Variants in CUL3 observed in about 807,000 individuals in gnomAD.
CUL3 encodes cullin-3.
Under a neutral mutation model 89.1 loss-of-function variants are expected in CUL3, and 19 were observed. That is an observed-to-expected ratio of 0.21 (90% CI 0.15 to 0.31). The LOEUF (loss-of-function observed/expected upper bound fraction) is 0.31. Ranked by LOEUF, CUL3 falls within the 10% of genes least tolerant of loss-of-function variation. The pLI, the probability that CUL3 is intolerant of heterozygous loss-of-function variation, is 1.00. For synonymous variants in CUL3, 351 were observed against 308.4 expected (o/e 1.14, Z -1.45); for missense variants, 469 against 942.3 (o/e 0.50, Z 6.58).
At position 224,475,338 on chromosome 2, in the gene CUL3, C is replaced by A. The variant is rs4673108; in HGVS notation, c.2176-962G>T. Among the ~76,000 whole-genome samples, 1,255 of 152,214 alleles carry A rather than the reference C, an allele frequency of 8.2e-3. 10 individuals are homozygous for A. Among genetic ancestry groups the A allele is most frequent in the African/African-American group, 0.029 (1,197 of 41,522 alleles). On this transcript the variant is annotated intron_variant, in intron 15 of 15. Coordinates refer to ENST00000264414, the MANE Select transcript of CUL3 (RefSeq NM_003590.5). Reference sequence around the variant, plus strand: ...GGCCTATTTAATGTTCTTAACCCTGCAAAATAAGTTGTCTCATTTTACAAA... The same window carrying A: ...GGCCTATTTAATGTTCTTAACCCTGAAAAATAAGTTGTCTCATTTTACAAA...
intron 2 of CUL3, among the ~76,000 whole-genome samples, chr2:224,554,378 T>C (rs6732903): frequency 0.19 from 28,566 of 152,152 alleles, 2,987 homozygotes; most frequent in South Asian, 0.27. Flanking sequence ...TTTAAAGGAT[T>C]CCTAGAATTT....
chr2:224,543,580 A>C (rs1045299956), intron 2 of CUL3, among the ~76,000 whole-genome samples: 17 of 152,170 alleles, frequency 1.1e-4, no homozygotes, highest in African/African-American at 3.9e-4. Flanking sequence ...CGGTTTTTTC[A>C]GATTTTGGAA....
chr2:224,502,671 A>G (rs1013843955), intron 10 of CUL3, among the ~76,000 whole-genome samples: 4 of 152,236 alleles, frequency 2.6e-5, no homozygotes, highest in African/African-American at 7.2e-5. Flanking sequence ...CTCTTTCCAC[A>G]ATTTATAATA....
At chr2:224,507,572 T>C (rs1692647638) in intron 6 of CUL3, among the ~76,000 whole-genome samples, 1 of 152,186 alleles carries the variant, frequency 6.6e-6, no homozygotes, top group East Asian at 1.9e-4. Flanking sequence ...TTTTATGAAA[T>C]GTATAATATA....
Position 224,470,212 on chromosome 2 carries a change from T to C in CUL3, c.*4033A>G, listed in dbSNP as rs1691073032. On this transcript the variant is annotated 3_prime_UTR_variant, in exon 16 of 16. Transcript: ENST00000264414. ...TAAATCTTGTATGCAATAAAGTTTATTAGTTGAACTGTCCTGTTATTAAAA... is the reference window on the plus strand; with the variant it reads ...TAAATCTTGTATGCAATAAAGTTTACTAGTTGAACTGTCCTGTTATTAAAA... 9.6e-6 allele frequency: 2 copies of C among 207,532 alleles called. No homozygotes were observed. Among genetic ancestry groups the C allele is most frequent in the South Asian group, 3.8e-4 (2 of 5,272 alleles). The allele number at this position is 207,532 out of a possible 1,614,324, so 12.9% of individuals were successfully genotyped here.
intron 1 of CUL3, among the ~76,000 whole-genome samples, chr2:224,582,468 T>C (rs1167156878): frequency 2.0e-5 from 3 of 152,228 alleles, no homozygotes; most frequent in Non-Finnish European, 4.4e-5. Flanking sequence ...ACTGTAATAG[T>C]TCTTTCCAAT....
chr2:224,509,509 T>C (rs1446998014), intron 6 of CUL3, among the ~76,000 whole-genome samples: 1 of 152,240 alleles, frequency 6.6e-6, no homozygotes, highest in African/African-American at 2.4e-5. Flanking sequence ...TTTGCCACCC[T>C]GCCTGGACAA....
chr2:224,557,521 TA>T (rs950623037), intron 2 of CUL3, 137 bp downstream of exon 2: 50 of 514,514 alleles, frequency 9.7e-5, no homozygotes, highest in African/African-American at 2.8e-4. Context: ...CATGAGTGCT[TA>T]TTAACAGTCA....
chr2:224,557,626 T>C (rs1439250128), intron 2 of CUL3, 33 bp downstream of exon 2: 3 of 1,432,768 alleles, frequency 2.1e-6, no homozygotes, highest in South Asian at 2.3e-5. Context: ...ACATTCAATA[T>C]AGTATTAGCA....
intron 1 of CUL3, among the ~76,000 whole-genome samples, chr2:224,569,116 C>T (rs1039223952): frequency 2.0e-5 from 3 of 152,100 alleles, no homozygotes; most frequent in Non-Finnish European, 4.4e-5. Flanking sequence ...AGAGAAGTAA[C>T]ATTCTTTTAA....
chr2:224,539,250 C>T (rs1694006387), intron 2 of CUL3, among the ~76,000 whole-genome samples: 1 of 152,146 alleles, frequency 6.6e-6, no homozygotes, highest in Non-Finnish European at 1.5e-5. Context: ...GATTAAAACA[C>T]CAATCTGATA....
At chr2:224,552,301 A>C (rs1366782315) in intron 2 of CUL3, among the ~76,000 whole-genome samples, 1 of 152,108 alleles carries the variant, frequency 6.6e-6, no homozygotes, top group African/African-American at 2.4e-5. Flanking sequence ...CTAAACCAAG[A>C]TTTTTCTTAT....
chr2:224,528,341 A>G (rs1416113481), intron 3 of CUL3, among the ~76,000 whole-genome samples: 1 of 152,044 alleles, frequency 6.6e-6, no homozygotes, highest in East Asian at 1.9e-4. Flanking sequence ...CTACAATCAT[A>G]TCGCCTTTTT....
chr2:224,553,595 A>C (rs1694597042), intron 2 of CUL3, among the ~76,000 whole-genome samples: 1 of 152,294 alleles, frequency 6.6e-6, no homozygotes, highest in South Asian at 2.1e-4. Flanking sequence ...CCTAATCCCA[A>C]ATGTGATAGT....
chr2:224,483,375 G>A (rs1435840507), intron 13 of CUL3, among the ~76,000 whole-genome samples: 1 of 152,144 alleles, frequency 6.6e-6, no homozygotes, highest in Non-Finnish European at 1.5e-5. Flanking sequence ...ATTCTTAGCT[G>A]CCTAAGAACA....
intron 15 of CUL3, 38 bp downstream of exon 15, chr2:224,478,162 G>GT (rs779094318): frequency 1.1e-5 from 17 of 1,521,638 alleles, no homozygotes; most frequent in Middle Eastern, 1.7e-4. Context: ...TAATGTTACT[G>GT]TTTTTTCTAT....
intron 2 of CUL3, among the ~76,000 whole-genome samples, chr2:224,543,112 C>T (rs994443067): frequency 6.6e-6 from 1 of 152,098 alleles, no homozygotes; most frequent in Non-Finnish European, 1.5e-5. Flanking sequence ...CTAGGTAAAA[C>T]AAAGAAATCA....
chr2:224,567,140 C>A (rs112360854), intron 1 of CUL3, among the ~76,000 whole-genome samples: 52 of 152,142 alleles, frequency 3.4e-4, no homozygotes, highest in Middle Eastern at 3.4e-3. Context: ...ATGTGAAAAC[C>A]GCAAAAGAAA....
At chr2:224,530,313 G>A (rs1693648566) in intron 3 of CUL3, among the ~76,000 whole-genome samples, 1 of 152,058 alleles carries the variant, frequency 6.6e-6, no homozygotes, top group Non-Finnish European at 1.5e-5. Flanking sequence ...TGGGCAGACA[G>A]TGAAGTTTCT....
Sources: allele counts gnomAD v4.1 joint callset (sites outside exome capture counted in the v4.1 genomes callset), GRCh38; gene constraint gnomAD v4.1.1; transcripts MANE v1.5; gene names NCBI Gene and HGNC (gene_info 2026-07-23, HGNC 2026-07-21).